The following DLGAP4 variants were observed in gnomAD, a reference collection of about 807,000 sequenced individuals.
DLGAP4 encodes DLG associated protein 4.
A neutral mutation model predicts 86.9 loss-of-function variants in DLGAP4; 18 were observed. That is an observed-to-expected ratio of 0.21 (90% CI 0.14 to 0.31). DLGAP4 has a LOEUF of 0.31. DLGAP4 is among the 10% of genes least tolerant of loss of function. The probability of loss-of-function intolerance (pLI) is 1.00; values close to 1 mark genes in which losing one functional copy is unlikely to be tolerated. For synonymous variants in DLGAP4, 548 were observed against 574.3 expected (o/e 0.95, Z 0.65); for missense variants, 1,085 against 1,362.6 (o/e 0.80, Z 3.21).
At position 36,526,021 on chromosome 20, in the gene DLGAP4, G is replaced by A; in HGVS notation, c.2760+15G>A. 6.2e-7 allele frequency: 1 copy of A among 1,613,870 alleles called. No individual in the cohort carries two copies. Among genetic ancestry groups the A allele is most frequent in the Non-Finnish European group, 8.5e-7 (1 of 1,180,016 alleles). On this transcript the variant is annotated intron_variant, in intron 12 of 12. Transcript: ENST00000339266. ...AGAAGAGGAAGGTGAGCATGGAGCA[G>A]TGCGGAGGGGAAGTCCAGGGACAAA...
chr20:36,347,737 G>A (rs2029992876), intron 1 of DLGAP4, among the ~76,000 whole-genome samples: 1 of 150,582 alleles, frequency 6.6e-6, no homozygotes, highest in Non-Finnish European at 1.5e-5. Context: ...GAGGCAGGAG[G>A]ATCACTTGGG....
At chr20:36,447,207 T>G (rs2033615869) in intron 7 of DLGAP4, among the ~76,000 whole-genome samples, 1 of 152,134 alleles carries the variant, frequency 6.6e-6, no homozygotes. Flanking sequence ...GGTACTTGGT[T>G]GCTCCTTGGC....
At chr20:36,435,655 G>T (rs559115176) in intron 3 of DLGAP4, among the ~76,000 whole-genome samples, 105 of 152,328 alleles carry the variant, frequency 6.9e-4, no homozygotes, top group Non-Finnish European at 1.2e-3. Flanking sequence ...ATGCTGATGT[G>T]CCAGGGTCGT....
intron 2 of DLGAP4, among the ~76,000 whole-genome samples, chr20:36,412,475 C>T (rs1473009364): frequency 2.0e-5 from 3 of 152,232 alleles, no homozygotes; most frequent in African/African-American, 7.2e-5. Context: ...TGAGAAGCAG[C>T]ACAGGAAGCT....
intron 2 of DLGAP4, among the ~76,000 whole-genome samples, chr20:36,370,909 T>C (rs934013359): frequency 8.5e-5 from 13 of 152,238 alleles, no homozygotes; most frequent in Non-Finnish European, 1.5e-4. Context: ...ACTCACTGGA[T>C]GGGGGGCCAA....
At chr20:36,396,588 A>G (rs1416031787) in intron 2 of DLGAP4, among the ~76,000 whole-genome samples, 2 of 125,760 alleles carry the variant, frequency 1.6e-5, no homozygotes, top group Admixed American at 1.5e-4. Context: ...TACACACACC[A>G]GACACACACA....
At position 36,320,196 on chromosome 20, in the gene DLGAP4, C is replaced by T. The variant is rs534571096; in HGVS notation, c.-304+13684C>T. Among the ~76,000 whole-genome samples the T allele has an allele frequency of 2.9e-4, 40 of 138,704 alleles. 1 individual carries two copies. The highest frequency in any genetic ancestry group is 1.3e-3 in the South Asian group (5 of 3,906). The allele number at this position is 138,704 out of a possible 152,430, so 91.0% of individuals were successfully genotyped here. ...GGCCCCCCTCTGTGCCCCTCTCCCC[C>T]GGGCCTCCCTCTGTGTCCCCCTCCT... On this transcript the variant is annotated intron_variant, in intron 1 of 12. Coordinates refer to ENST00000339266, the MANE Select transcript of DLGAP4 (RefSeq NM_001365621.2).
chr20:36,427,483 A>C (rs969458920), intron 2 of DLGAP4, among the ~76,000 whole-genome samples: 6 of 141,292 alleles, frequency 4.2e-5, no homozygotes, highest in African/African-American at 1.5e-4. Context: ...ATCAAAAGAA[A>C]GAAGTGGGAG....
At chr20:36,369,040 C>A (rs2030812061) in intron 2 of DLGAP4, among the ~76,000 whole-genome samples, 1 of 152,182 alleles carries the variant, frequency 6.6e-6, no homozygotes, top group South Asian at 2.1e-4. Context: ...AACGGGATTC[C>A]TTGGCACGAG....
intron 1 of DLGAP4, among the ~76,000 whole-genome samples, chr20:36,358,605 G>A (rs1315777270): frequency 6.6e-6 from 1 of 152,198 alleles, no homozygotes; most frequent in Non-Finnish European, 1.5e-5. Context: ...AGGAGATGGA[G>A]CACATCCTGG....
intron 7 of DLGAP4, among the ~76,000 whole-genome samples, chr20:36,458,593 G>A (rs2033943267): frequency 6.6e-6 from 1 of 151,932 alleles, no homozygotes; most frequent in African/African-American, 2.4e-5. Context: ...CAGCTACTCG[G>A]GAGGCTGAGG....
intron 7 of DLGAP4, among the ~76,000 whole-genome samples, chr20:36,451,939 T>C (rs1372146355): frequency 2.0e-5 from 3 of 151,530 alleles, no homozygotes; most frequent in Non-Finnish European, 4.4e-5. Flanking sequence ...TTTGTATTTT[T>C]AGTAGAGACA....
chr20:36,483,339 G>A (rs552468695), intron 7 of DLGAP4, among the ~76,000 whole-genome samples: 3 of 152,274 alleles, frequency 2.0e-5, no homozygotes, highest in Non-Finnish European at 2.9e-5. Context: ...GCTCAGCTAC[G>A]GGAGGATGCC....
intron 2 of DLGAP4, among the ~76,000 whole-genome samples, chr20:36,424,734 G>GTT (rs1212207442): frequency 7.3e-6 from 1 of 137,756 alleles, no homozygotes; most frequent in Admixed American, 7.7e-5. Context: ...TGTTTGTTTT[G>GTT]TTTGTTTTTT....
At chr20:36,323,474 G>A (rs1359949375) in intron 1 of DLGAP4, among the ~76,000 whole-genome samples, 6 of 152,162 alleles carry the variant, frequency 3.9e-5, no homozygotes, top group African/African-American at 1.2e-4. Flanking sequence ...TCCACTTAGC[G>A]AATATGTCAT....
intron 1 of DLGAP4, among the ~76,000 whole-genome samples, chr20:36,336,948 G>A (rs371990890): frequency 2.0e-5 from 3 of 152,296 alleles, no homozygotes; most frequent in African/African-American, 4.8e-5. Flanking sequence ...TCTGCTGTGC[G>A]CACACCTCTC....
chr20:36,321,926 T>C (rs1332493038), intron 1 of DLGAP4, among the ~76,000 whole-genome samples: 1 of 152,190 alleles, frequency 6.6e-6, no homozygotes, highest in Non-Finnish European at 1.5e-5. Flanking sequence ...GCAGATAGAT[T>C]CATTCATTCA....
intron 7 of DLGAP4, among the ~76,000 whole-genome samples, chr20:36,469,278 C>A (rs986138252): frequency 6.6e-6 from 1 of 152,094 alleles, no homozygotes; most frequent in Non-Finnish European, 1.5e-5. Context: ...AGCAGCACAC[C>A]GAGATCTAGC....
rs1198189329 is a variant in DLGAP4, at chr20:36,432,185, A to G, written c.468A>G (p.Ser156=). The G allele has an allele frequency of 1.2e-6, 2 of 1,614,134 alleles. No homozygotes were observed. The highest frequency in any genetic ancestry group is 2.7e-5 in the African/African-American group (2 of 75,076). ...GGCTTTTCTTCACCAAGGCACCCTCACTGGAGGGCACAGCGGGCAAGGTCG... is the reference window on the plus strand; with the variant it reads ...GGCTTTTCTTCACCAAGGCACCCTCGCTGGAGGGCACAGCGGGCAAGGTCG... ...VQRLFFTKAP[S]LEGTAGKVGG... is the part of the protein sequence containing the mutation. The change falls in exon 3 of 13, where the codon TCA becomes TCG. Residue 156 remains serine, a synonymous_variant. Coordinates refer to ENST00000339266, the MANE Select transcript of DLGAP4 (RefSeq NM_001365621.2). The surrounding 1 kb of genome is among the most constrained non-coding windows in gnomAD (Gnocchi z 6.5).
Sources: allele counts gnomAD v4.1 joint callset (sites outside exome capture counted in the v4.1 genomes callset), GRCh38; gene constraint gnomAD v4.1.1; non-coding constraint Gnocchi (gnomAD v3.1); transcripts MANE v1.5; gene names NCBI Gene and HGNC (gene_info 2026-07-23, HGNC 2026-07-21).